CADPS2: variants seen among roughly 807,000 people sequenced by gnomAD.
The protein encoded by CADPS2 is calcium dependent secretion activator 2, also known as calcium-dependent secretion activator 2.
Under a neutral mutation model 172.5 loss-of-function variants are expected in CADPS2, and 93 were observed. The observed-to-expected ratio is 0.54, with a 90% CI of 0.46 to 0.64. The LOEUF (loss-of-function observed/expected upper bound fraction) is 0.64, where lower values mean the gene tolerates loss of function less well. Ranked by LOEUF, CADPS2 falls within the 30% of genes least tolerant of loss-of-function variation. CADPS2 has a pLI of 0.00. For synonymous variants in CADPS2, 546 were observed against 555.2 expected, an observed-to-expected ratio of 0.98 and a Z score of 0.23; for missense variants, 1,420 against 1,565.9, an observed-to-expected ratio of 0.91 and a Z score of 1.57.
Position 122,388,641 on chromosome 7 carries a change from G to A in CADPS2, c.3106C>T (p.His1036Tyr), listed in dbSNP as rs1483797517. 3 of 1,610,228 alleles carry A rather than the reference G, an allele frequency of 1.9e-6. No individual in the cohort carries two copies. Among genetic ancestry groups the A allele is most frequent in the Middle Eastern group, 1.6e-4 (1 of 6,066 alleles). Reference sequence around the variant, plus strand: ...ATTAGTTTAAGTCTTTGCTCTAAGTGGTGGGCAAATTCCTGTTCTGGCCAG... The same window carrying A: ...ATTAGTTTAAGTCTTTGCTCTAAGTAGTGGGCAAATTCCTGTTCTGGCCAG... The part of the protein sequence containing the change: ...LHWPEQEFAH[H>Y]LEQRLKLMAS... Residue 1036 changes from histidine (H) to tyrosine (Y), a missense_variant, in exon 23 of 30, where the codon CAC becomes TAC. Physicochemically the swap from His to Tyr is moderately conservative, Grantham distance 83. Transcript: ENST00000449022.
At chr7:122,323,835 A>ATG (rs1335267068) in intron 29 of CADPS2, among the ~76,000 whole-genome samples, 1 of 130,484 alleles carries the variant, frequency 7.7e-6, no homozygotes, top group Non-Finnish European at 1.7e-5. Context: ...ACTGTTATGT[A>ATG]TGTGTATATA....
In CADPS2 at chr7:122,554,567, T is replaced by C; in HGVS notation, c.1458A>G (p.Ala486=). The C allele has an allele frequency of 6.2e-7, 1 of 1,606,938 alleles. No homozygotes were observed. The highest frequency in any genetic ancestry group is 8.5e-7 in the Non-Finnish European group (1 of 1,177,242). Residue 486 remains alanine, a synonymous_variant, in exon 8 of 30, where the codon GCA becomes GCG. Transcript: ENST00000449022. ...IKLAVRMDKP[A]HMKHSGYLYA... ...ATACTCACCCACTATGCTTCATATG[T>C]GCTGGTTTATCCATTCGCACTGCCA...
At chr7:122,406,770 G>T (rs2046697133) in intron 20 of CADPS2, among the ~76,000 whole-genome samples, 1 of 152,196 alleles carries the variant, frequency 6.6e-6, no homozygotes, top group Non-Finnish European at 1.5e-5. Flanking sequence ...TCATCTTGGT[G>T]CATCATGACA....
intron 1 of CADPS2, among the ~76,000 whole-genome samples, chr7:122,881,586 G>T (rs2141762622): frequency 6.6e-6 from 1 of 152,162 alleles, no homozygotes; most frequent in Admixed American, 6.5e-5. Flanking sequence ...ATGCATCAAA[G>T]CCAAAGGAGC....
At chr7:122,603,310 C>T (rs775476743) in intron 6 of CADPS2, among the ~76,000 whole-genome samples, 27 of 147,458 alleles carry the variant, frequency 1.8e-4, no homozygotes, top group Non-Finnish European at 2.6e-4. Flanking sequence ...AAGCACATTC[C>T]GCTTCATAAA....
chr7:122,714,018 T>C (rs2089212038), intron 2 of CADPS2, among the ~76,000 whole-genome samples: 1 of 152,104 alleles, frequency 6.6e-6, no homozygotes, highest in Non-Finnish European at 1.5e-5. Flanking sequence ...TCATAATCCA[T>C]GTCAAACTTC....
chr7:122,652,724 T>C (rs1403948831), intron 3 of CADPS2, among the ~76,000 whole-genome samples: 4 of 152,202 alleles, frequency 2.6e-5, no homozygotes, highest in Admixed American at 6.5e-5. Context: ...CCACTGCAGA[T>C]ACATTGTTCT....
At chr7:122,536,202 T>TA (rs1390037256) in intron 8 of CADPS2, among the ~76,000 whole-genome samples, 3 of 152,084 alleles carry the variant, frequency 2.0e-5, no homozygotes, top group Non-Finnish European at 4.4e-5. Flanking sequence ...AAATTATAGT[T>TA]ACTGAATAAT....
chr7:122,610,967 T>C (rs895939832), intron 6 of CADPS2, among the ~76,000 whole-genome samples: 5 of 152,162 alleles, frequency 3.3e-5, no homozygotes, highest in Non-Finnish European at 7.3e-5. Flanking sequence ...TTCCATTGAC[T>C]CTATTTACTA....
At chr7:122,692,465 T>C (rs2084508577) in intron 2 of CADPS2, among the ~76,000 whole-genome samples, 1 of 152,184 alleles carries the variant, frequency 6.6e-6, no homozygotes, top group African/African-American at 2.4e-5. Flanking sequence ...TGCTTTTCCT[T>C]AGTGCTGTGC....
At chr7:122,502,692 C>A (rs1340246776) in intron 9 of CADPS2, among the ~76,000 whole-genome samples, 1 of 151,768 alleles carries the variant, frequency 6.6e-6, no homozygotes, top group African/African-American at 2.4e-5. Context: ...TTAATTGAGC[C>A]GCCAAAATAT....
intron 1 of CADPS2, among the ~76,000 whole-genome samples, chr7:122,835,392 G>C (rs1290527523): frequency 1.3e-5 from 2 of 152,206 alleles, no homozygotes; most frequent in African/African-American, 2.4e-5. Flanking sequence ...CCCCTCCAAA[G>C]GAACGCAGCT....
At chr7:122,785,625 C>T (rs545732292) in intron 1 of CADPS2, among the ~76,000 whole-genome samples, 4 of 152,280 alleles carry the variant, frequency 2.6e-5, no homozygotes, top group African/African-American at 9.6e-5. Flanking sequence ...TCCCTGCCCT[C>T]CTCTTGGGCT....
rs1354457769 is a variant in CADPS2 at position 122,471,407 on chromosome 7, A to G, written c.2154T>C (p.Phe718=). The G allele has an allele frequency of 6.2e-7, 1 of 1,613,244 alleles. No homozygotes were observed. The highest frequency in any genetic ancestry group is 8.5e-7 in the Non-Finnish European group (1 of 1,179,574). Residue 718 remains phenylalanine (F), a synonymous_variant, in exon 14 of 30, where the codon TTT becomes TTC. Coordinates refer to ENST00000449022, the MANE Select transcript of CADPS2 (RefSeq NM_017954.11). ...VIDPTLLHYS[F]AFCASHVHGN... Reference sequence around the variant, plus strand: ...CGTGCACATGAGAGGCACAGAATGCAAAGCTGTAATGGAGCAGGGTAGGGT... The same window carrying G: ...CGTGCACATGAGAGGCACAGAATGCGAAGCTGTAATGGAGCAGGGTAGGGT...
At chr7:122,593,909 G>A (rs1563804317) in intron 6 of CADPS2, among the ~76,000 whole-genome samples, 1 of 151,962 alleles carries the variant, frequency 6.6e-6, no homozygotes, top group Non-Finnish European at 1.5e-5. Context: ...GTTACAAACT[G>A]AGATTTACTT....
intron 14 of CADPS2, among the ~76,000 whole-genome samples, chr7:122,463,030 C>G (rs911365418): frequency 1.1e-4 from 16 of 152,166 alleles, no homozygotes; most frequent in Non-Finnish European, 2.4e-4. Flanking sequence ...ACCACCATGA[C>G]AGTGGTAAAT....
At chr7:122,725,206 T>C (rs1380994616) in intron 2 of CADPS2, among the ~76,000 whole-genome samples, 2 of 152,022 alleles carry the variant, frequency 1.3e-5, no homozygotes, top group African/African-American at 2.4e-5. Context: ...AAATGCTATA[T>C]CTTAGAGGTT....
intron 1 of CADPS2, among the ~76,000 whole-genome samples, chr7:122,762,126 T>C (rs186683668): frequency 6.6e-6 from 1 of 151,160 alleles, no homozygotes; most frequent in East Asian, 1.9e-4. Flanking sequence ...TGTATATGTA[T>C]ATATAAAACA....
intron 1 of CADPS2, among the ~76,000 whole-genome samples, chr7:122,874,428 G>A (rs1044113143): frequency 6.6e-6 from 1 of 152,164 alleles, no homozygotes; most frequent in African/African-American, 2.4e-5. Context: ...TGGATAGGAA[G>A]AATCAATACC....
Sources: allele counts gnomAD v4.1 joint callset (sites outside exome capture counted in the v4.1 genomes callset), GRCh38; gene constraint gnomAD v4.1.1; transcripts MANE v1.5; gene names NCBI Gene and HGNC (gene_info 2026-07-23, HGNC 2026-07-21).